INVS: variants seen among roughly 807,000 people sequenced by gnomAD.
The protein encoded by INVS is inversin, also known as inversion of embryo turning homolog.
Under a neutral mutation model 108.8 loss-of-function variants are expected in INVS, and 86 were observed. That is an observed-to-expected ratio of 0.79 (90% CI 0.66 to 0.95). The LOEUF is 0.95. Ranked by LOEUF, INVS falls within the 40% of genes least tolerant of loss-of-function variation. The pLI is 0.00. For synonymous variants in INVS, 455 were observed against 473.5 expected, an observed-to-expected ratio of 0.96 and a Z score of 0.51; for missense variants, 1,169 against 1,297.4, an observed-to-expected ratio of 0.90 and a Z score of 1.52.
intron 8 of INVS, among the ~76,000 whole-genome samples, chr9:100,250,687 C>G (rs940475012): frequency 6.6e-6 from 1 of 152,118 alleles, no homozygotes; most frequent in Non-Finnish European, 1.5e-5. Flanking sequence ...CTAATCAGAC[C>G]ACCATCATTT....
intron 3 of INVS, among the ~76,000 whole-genome samples, chr9:100,170,903 G>A (rs112525719): frequency 3.9e-5 from 6 of 152,204 alleles, no homozygotes; most frequent in African/African-American, 9.7e-5. Flanking sequence ...TAATGAAAAT[G>A]TAGTATTCCT....
At chr9:100,122,438 G>A (rs1447133530) in intron 2 of INVS, among the ~76,000 whole-genome samples, 3 of 151,416 alleles carry the variant, frequency 2.0e-5, no homozygotes, top group African/African-American at 4.9e-5. Context: ...TTTGTTTCTG[G>A]TAATTGTCTT....
Position 100,158,072 on chromosome 9 carries a change from T to G in INVS, c.273+31523T>G, listed in dbSNP as rs144764131. Among the ~76,000 whole-genome samples the G allele has an allele frequency of 7.4e-3, 1,124 of 152,312 alleles. 9 individuals carry two copies. Among genetic ancestry groups the G allele is most frequent in the Admixed American group, 0.01 (153 of 15,296 alleles). ...TAGCATATCCAATTTTTCATTCCAGTTTTTATTATTCTGCCATCTGTATTG... is the reference window on the plus strand; with the variant it reads ...TAGCATATCCAATTTTTCATTCCAGGTTTTATTATTCTGCCATCTGTATTG... On this transcript the variant is annotated intron_variant, in intron 3 of 16. Transcript: ENST00000262457.
intron 2 of INVS, among the ~76,000 whole-genome samples, chr9:100,112,771 C>G (rs1387195344): frequency 6.6e-6 from 1 of 152,094 alleles, no homozygotes; most frequent in Non-Finnish European, 1.5e-5. Flanking sequence ...ATGTGGCCCA[C>G]AGGCCACAGG....
rs998020867 is a variant in INVS at position 100,175,764 on chromosome 9, C to G, written c.273+49215C>G. The G allele has an allele frequency of 1.4e-5, 9 of 633,892 alleles. No individual in the cohort carries two copies. The African/African-American group carries it at 1.6e-4, about 11-fold the overall frequency. The allele number at this position is 633,892 out of a possible 1,614,324, so 39.3% of individuals were successfully genotyped here. A position where few individuals can be genotyped will look rare whatever the true frequency, so the allele number is the denominator to read the frequency against. Reference sequence around the variant, plus strand: ...CTGTAGCAGTTCGGCCTGGGGCAACCAGACCTGGAACATCCAGTCCTAGAA... The same window carrying G: ...CTGTAGCAGTTCGGCCTGGGGCAACGAGACCTGGAACATCCAGTCCTAGAA... On this transcript the variant is annotated intron_variant, in intron 3 of 16. Transcript: ENST00000262457.
chr9:100,292,594 G>A lies in INVS; in HGVS notation c.2337G>A (p.Arg779=). ...ATAGCCACTGGAAGCCCAGCAGGCG[G>A]CATGACACAGAACCCAAGGCCAAAT... The part of the protein sequence containing the change: ...PHDSHWKPSR[R]HDTEPKAKCA... The change falls in exon 14 of 17, where the codon CGG becomes CGA. Residue 779 remains arginine, a synonymous_variant. Transcript: ENST00000262457. 1 of 1,614,204 alleles carries A rather than the reference G, an allele frequency of 6.2e-7. No homozygotes were observed.
At chr9:100,106,884 GA>G (rs896539809) in intron 2 of INVS, among the ~76,000 whole-genome samples, 3 of 150,484 alleles carry the variant, frequency 2.0e-5, no homozygotes, top group Admixed American at 2.0e-4. Context: ...AAAAGAAGCT[GA>G]AAAAAAAAGT....
chr9:100,191,915 A>G lies in INVS; in HGVS notation c.274-34147A>G, dbSNP rs542023685. Among the ~76,000 whole-genome samples the G allele has an allele frequency of 9.2e-5, 14 of 152,182 alleles. No homozygotes were observed. The South Asian group carries it at 2.5e-3, about 27-fold the overall frequency. ...AATGTTTACAGTTTATTATAGCCCA[A>G]TTTGGCTCTTGATGATTTCCGGTGT... is the stretch of plus-strand genomic sequence containing the variant. On this transcript the variant is annotated intron_variant, in intron 3 of 16. Coordinates refer to ENST00000262457, the MANE Select transcript of INVS (RefSeq NM_014425.5).
chr9:100,216,233 AC>A (rs1830981886), intron 3 of INVS, among the ~76,000 whole-genome samples: 1 of 152,198 alleles, frequency 6.6e-6, no homozygotes, highest in South Asian at 2.1e-4. Flanking sequence ...CTGTTAGCAG[AC>A]CAAGAATCAG....
In INVS at chr9:100,297,065, G is replaced by A; in HGVS notation, c.2935G>A (p.Val979Ile). ...LELKFPQTTA[V>I]SKAPKSPSKG... ...ACTAAAATTCCCCCAAACCACTGCA[G>A]TAAGCAAGGCCCCCAAGAGTCCATC... Residue 979 changes from valine (V) to isoleucine (I), a missense_variant, in exon 15 of 17, where the codon GTA becomes ATA. Physicochemically the swap from Val to Ile is conservative, Grantham distance 29. Transcript: ENST00000262457. The A allele has an allele frequency of 6.2e-7, 1 of 1,614,028 alleles. No homozygotes were observed. The highest frequency in any genetic ancestry group is 1.6e-4 in the Middle Eastern group (1 of 6,062).
intron 3 of INVS, among the ~76,000 whole-genome samples, chr9:100,198,565 A>G (rs945001704): frequency 6.6e-6 from 1 of 150,874 alleles, no homozygotes; most frequent in Non-Finnish European, 1.5e-5. Flanking sequence ...TACTGGGATT[A>G]CAGACATGAA....
intron 10 of INVS, among the ~76,000 whole-genome samples, chr9:100,261,086 T>G (rs1019589256): frequency 4.6e-5 from 7 of 152,194 alleles, no homozygotes; most frequent in African/African-American, 1.7e-4. Flanking sequence ...TTATTTTAAC[T>G]CTTTAAAAAT....
chr9:100,163,354 A>C lies in INVS; in HGVS notation c.273+36805A>C, dbSNP rs147267055. Among the ~76,000 whole-genome samples, 477 of 152,250 alleles carry C rather than the reference A, an allele frequency of 3.1e-3. 1 individual carries two copies. Among genetic ancestry groups the C allele is most frequent in the Middle Eastern group, 0.024 (7 of 294 alleles). On this transcript the variant is annotated intron_variant, in intron 3 of 16. Transcript: ENST00000262457. ...GTGTAGTGATAAAAAGCAATCATCTAGTCTCTGAATTCAGAATTTAAAAAG... is the reference window on the plus strand; with the variant it reads ...GTGTAGTGATAAAAAGCAATCATCTCGTCTCTGAATTCAGAATTTAAAAAG...
intron 3 of INVS, among the ~76,000 whole-genome samples, chr9:100,181,818 A>C (rs1420883025): frequency 6.6e-6 from 1 of 152,160 alleles, no homozygotes; most frequent in African/African-American, 2.4e-5. Flanking sequence ...GACAATCCTA[A>C]GCAAAAAGAA....
In INVS at chr9:100,212,155, A is replaced by G. The variant is rs560217985; in HGVS notation, c.274-13907A>G. Among the ~76,000 whole-genome samples, 421 of 152,334 alleles carry G rather than the reference A, an allele frequency of 2.8e-3. 3 individuals carry two copies. The highest frequency in any genetic ancestry group is 5.1e-3 in the Admixed American group (78 of 15,306). ...TTAAAGACTAAGCAACCAGAGTACA[A>G]ACAGACATCTAAATCAACTGAAATA... On this transcript the variant is annotated intron_variant, in intron 3 of 16. Transcript: ENST00000262457.
In INVS at chr9:100,133,764, TACAC is replaced by T. The variant is rs147744972; in HGVS notation, c.273+7253_273+7256del. On this transcript the variant is annotated intron_variant, in intron 3 of 16. Transcript: ENST00000262457. ...ACTATCTGACTATATCTGCCAAAGC[TACAC>T]ACACACACACACACACACACACACA... Among the ~76,000 whole-genome samples, 597 of 123,896 alleles carry T rather than the reference TACAC, an allele frequency of 4.8e-3. 2 individuals are homozygous for T. Among genetic ancestry groups the T allele is most frequent in the Middle Eastern group, 0.022 (5 of 230 alleles). 81.3% of individuals were successfully genotyped at this position (123,896 alleles called of 152,430 possible).
chr9:100,297,797 ACATGTTTC>A (rs1588154350), intron 15 of INVS, 131 bp from the exon 16 acceptor site: 2 of 819,366 alleles, frequency 2.4e-6, no homozygotes, highest in African/African-American at 3.4e-5. Flanking sequence ...CCCTGGGCCT[ACATGTTTC>A]CACACCATAC....
At chr9:100,296,813 G>C in intron 14 of INVS, 104 bp from the exon 15 acceptor site, 1 of 897,880 alleles carries the variant, frequency 1.1e-6, no homozygotes, top group Non-Finnish European at 1.8e-6. Flanking sequence ...GAACCTACCA[G>C]GAATTCAGCA....
chr9:100,141,489 G>C (rs1294433608), intron 3 of INVS, among the ~76,000 whole-genome samples: 1 of 152,180 alleles, frequency 6.6e-6, no homozygotes, highest in Non-Finnish European at 1.5e-5. Flanking sequence ...CTATCAGACT[G>C]TATAGAGGTG....
Sources: allele counts gnomAD v4.1 joint callset (sites outside exome capture counted in the v4.1 genomes callset), GRCh38; gene constraint gnomAD v4.1.1; transcripts MANE v1.5; gene names NCBI Gene and HGNC (gene_info 2026-07-23, HGNC 2026-07-21).